DPP6: variants seen among roughly 807,000 people sequenced by gnomAD.
DPP6 encodes A-type potassium channel modulatory protein DPP6.
DPP6 carries 69 observed loss-of-function variants against 122.6 expected under a neutral mutation model. The ratio of observed to expected loss-of-function variants is 0.56; its 90% CI spans 0.46 to 0.69. DPP6 has a LOEUF of 0.69. Among genes scored for constraint, DPP6 ranks in the 30% least tolerant of loss-of-function variants. The pLI, the probability that DPP6 is intolerant of heterozygous loss-of-function variation, is 0.00. For missense variants in DPP6, 928 were observed against 1,116.9 expected (o/e 0.83, Z 2.41); for synonymous variants, 418 against 433.1 (o/e 0.97, Z 0.43).
intron 3 of DPP6, among the ~76,000 whole-genome samples, chr7:154,527,585 C>T (rs12668045): frequency 0.028 from 4,283 of 152,026 alleles, 92 homozygotes; most frequent in South Asian, 0.084. Context: ...TTATTTAAAA[C>T]TAAAAGAAGA....
rs951614230 is a variant in DPP6, at chr7:154,052,956, C to T, written c.136C>T (p.Pro46Ser). The change falls in exon 1 of 26, where the codon CCG (proline) becomes TCG (serine). Residue 46 changes from proline to serine, a missense_variant. Coordinates refer to ENST00000377770, the MANE Select transcript of DPP6 (RefSeq NM_130797.4). The surrounding 1 kb of genome is among the most constrained non-coding windows in gnomAD (Gnocchi z 4.8). ...DGGAGAKPLG[P>S]RAQAAAPRER... is the part of the protein sequence containing the mutation. ...CGGCGCAGGAGCCAAGCCCCTCGGC[C>T]CGCGGGCGCAGGCGGCGGCGCCCCG... 1.7e-5 allele frequency: 20 copies of T among 1,171,168 alleles called. No homozygotes were observed. The highest frequency in any genetic ancestry group is 4.3e-5 in the Admixed American group (1 of 23,162). The allele number at this position is 1,171,168 out of a possible 1,614,324, so 72.5% of individuals were successfully genotyped here. A position where few individuals can be genotyped will look rare whatever the true frequency, so the allele number is the denominator to read the frequency against.
intron 2 of DPP6, among the ~76,000 whole-genome samples, chr7:154,451,805 C>T (rs1427390281): frequency 6.6e-6 from 1 of 152,214 alleles, no homozygotes; most frequent in Admixed American, 6.5e-5. Context: ...CTTGCTTCAC[C>T]TTTTGGTTCT....
intron 1 of DPP6, among the ~76,000 whole-genome samples, chr7:154,071,904 C>T (rs531574253): frequency 1.3e-5 from 2 of 152,144 alleles, no homozygotes; most frequent in Admixed American, 6.5e-5. Flanking sequence ...TCTAAAATCT[C>T]GATCCCTTGA....
intron 18 of DPP6, among the ~76,000 whole-genome samples, chr7:154,871,457 G>A (rs892732607): frequency 5.9e-5 from 9 of 152,208 alleles, no homozygotes; most frequent in Admixed American, 2.0e-4. Flanking sequence ...TATGCTACCA[G>A]AGGCTAATGC....
At chr7:153,820,405 T>G in the DPP6 span, among the ~76,000 whole-genome samples, 23,314 of 152,242 alleles carry the variant, frequency 0.15, 1,828 homozygotes, top group Middle Eastern at 0.26. Context: ...ATAAAATTTA[T>G]TTTATTACAA....
At chr7:154,849,910 C>T (rs1016829274) in intron 16 of DPP6, among the ~76,000 whole-genome samples, 1 of 152,212 alleles carries the variant, frequency 6.6e-6, no homozygotes, top group Non-Finnish European at 1.5e-5. Flanking sequence ...TTTTCTGCAT[C>T]TATTGCAAGG....
intron 1 of DPP6, among the ~76,000 whole-genome samples, chr7:154,063,586 G>C (rs1408559224): frequency 1.9e-5 from 2 of 107,718 alleles, no homozygotes; most frequent in South Asian, 3.5e-4. Context: ...CTGGCTGATA[G>C]TACCCCCATC....
At chr7:154,848,079 A>G (rs558196195) in intron 16 of DPP6, among the ~76,000 whole-genome samples, 1 of 152,246 alleles carries the variant, frequency 6.6e-6, no homozygotes, top group Non-Finnish European at 1.5e-5. Flanking sequence ...GTTGCTGGGC[A>G]GGTAGGCTGT....
At position 154,074,581 on chromosome 7, in the gene DPP6, G is replaced by A. The variant is rs2312534; in HGVS notation, c.243+21518G>A. 6.6e-5 allele frequency among the ~76,000 whole-genome samples: 10 copies of A among 152,260 alleles called. No individual in the cohort carries two copies. In the East Asian group the frequency reaches 9.6e-4, roughly 15 times the overall value. ...ATAAATTCATTTAATCTTTGCAGCT[G>A]TCCATGAAGTAACGTTTATAGGTCT... On this transcript the variant is annotated intron_variant, in intron 1 of 25. Transcript: ENST00000377770.
chr7:153,903,782 T>C (rs1056881333), intron 1 of DPP6, among the ~76,000 whole-genome samples: 1 of 152,170 alleles, frequency 6.6e-6, no homozygotes, highest in African/African-American at 2.4e-5. Context: ...TCTTTTCAGT[T>C]GTTGGATTTA....
intron 6 of DPP6, among the ~76,000 whole-genome samples, chr7:154,642,249 T>C (rs1392578494): frequency 6.6e-6 from 1 of 151,988 alleles, no homozygotes; most frequent in Non-Finnish European, 1.5e-5. Flanking sequence ...ACCTTGAGAG[T>C]TGTTCTACTT....
chr7:154,423,253 G>C (rs1411062960), intron 1 of DPP6, among the ~76,000 whole-genome samples: 1 of 152,188 alleles, frequency 6.6e-6, no homozygotes, highest in African/African-American at 2.4e-5. Context: ...AGTGGAGAGA[G>C]TTAAGCAGGA....
At chr7:154,247,149 C>G (rs977457498) in intron 1 of DPP6, among the ~76,000 whole-genome samples, 4 of 152,058 alleles carry the variant, frequency 2.6e-5, no homozygotes, top group African/African-American at 9.7e-5. Context: ...CCCATCTCTA[C>G]TAAAAATACA....
At chr7:154,885,849 C>A in intron 22 of DPP6, 105 bp downstream of exon 22, 1 of 1,453,714 alleles carries the variant, frequency 6.9e-7, no homozygotes, top group Non-Finnish European at 9.2e-7. Context: ...GTCCCGCTAA[C>A]CACAGGTGCC....
chr7:154,074,331 ATAT>A (rs1309222277), intron 1 of DPP6, among the ~76,000 whole-genome samples: 1 of 152,068 alleles, frequency 6.6e-6, no homozygotes, highest in Non-Finnish European at 1.5e-5. Context: ...GTAGGAGCAA[ATAT>A]TATGAAAGCA....
chr7:154,854,470 C>T (rs1190867317), intron 17 of DPP6, among the ~76,000 whole-genome samples: 1 of 151,872 alleles, frequency 6.6e-6, no homozygotes, highest in Non-Finnish European at 1.5e-5. Flanking sequence ...GCTAAGCTGA[C>T]CTCACAAGAT....
At position 154,863,487 on chromosome 7, in the gene DPP6, C is replaced by T. The variant is rs1473177570; in HGVS notation, c.1715-4508C>T. Among the ~76,000 whole-genome samples, 4 of 151,744 alleles carry T rather than the reference C, an allele frequency of 2.6e-5. No homozygotes were observed. The highest frequency in any genetic ancestry group is 2.6e-4 in the Admixed American group (4 of 15,234). ...CCTCCCACCTCAGCCTCCTGAGTAACTGGGACCACAGGTGTGTGCCACCAT... is the reference window on the plus strand; with the variant it reads ...CCTCCCACCTCAGCCTCCTGAGTAATTGGGACCACAGGTGTGTGCCACCAT... On this transcript the variant is annotated intron_variant, in intron 17 of 25. Transcript: ENST00000377770. This position sits in a 1 kb window ranked among gnomAD's most constrained non-coding sequence, Gnocchi z 4.1.
intron 1 of DPP6, among the ~76,000 whole-genome samples, chr7:154,120,059 A>G (rs1406267510): frequency 1.3e-5 from 2 of 152,168 alleles, no homozygotes; most frequent in African/African-American, 2.4e-5. Flanking sequence ...TTGTTACTCT[A>G]TAATATTCCA....
At chr7:154,712,853 C>T (rs116953597) in intron 7 of DPP6, among the ~76,000 whole-genome samples, 319 of 152,284 alleles carry the variant, frequency 2.1e-3, no homozygotes, top group Non-Finnish European at 2.0e-3. Context: ...AATCTCATGT[C>T]CTCACAATTC....
Sources: allele counts gnomAD v4.1 joint callset (sites outside exome capture counted in the v4.1 genomes callset), GRCh38; gene constraint gnomAD v4.1.1; non-coding constraint Gnocchi (gnomAD v3.1); transcripts MANE v1.5; gene names NCBI Gene and HGNC (gene_info 2026-07-23, HGNC 2026-07-21).